PDE5A: variants seen among roughly 807,000 people sequenced by gnomAD.
The protein encoded by PDE5A is cGMP-specific 3',5'-cyclic phosphodiesterase.
Under a neutral mutation model 110.2 loss-of-function variants are expected in PDE5A, and 67 were observed. That is an observed-to-expected ratio of 0.61 (90% CI 0.50 to 0.75). The LOEUF (loss-of-function observed/expected upper bound fraction) is 0.75. PDE5A is among the 30% of genes least tolerant of loss of function. The pLI is 0.00. For synonymous variants in PDE5A, 328 were observed against 351.2 expected, an observed-to-expected ratio of 0.93 and a Z score of 0.74; for missense variants, 862 against 1,045.1, an observed-to-expected ratio of 0.82 and a Z score of 2.42.
In PDE5A at chr4:119,494,941, T is replaced by C. The variant is rs17355550; in HGVS notation, c.*3660A>G. On this transcript the variant is annotated 3_prime_UTR_variant, in exon 21 of 21. Transcript: ENST00000354960. ...GTAGAGCAGAAGGGGTCCAAAACCA[T>C]GCACAATTTAACAGTCCAGAAGAAC... 0.025 allele frequency: 3,748 copies of C among 152,670 alleles called. 61 individuals are homozygous for C. The highest frequency in any genetic ancestry group is 0.05 in the South Asian group (242 of 4,824). The allele number at this position is 152,670 out of a possible 1,614,324, so 9.5% of individuals were successfully genotyped here. A position where few individuals can be genotyped will look rare whatever the true frequency, so the allele number is the denominator to read the frequency against.
At chr4:119,510,915 C>T in intron 15 of PDE5A, 132 bp downstream of exon 15, 1 of 584,620 alleles carries the variant, frequency 1.7e-6, no homozygotes, top group South Asian at 2.9e-5. Context: ...TTTGGCTTCG[C>T]CTTCCTTACC....
At chr4:119,531,975 C>T (rs912593878) in intron 11 of PDE5A, among the ~76,000 whole-genome samples, 2 of 152,054 alleles carry the variant, frequency 1.3e-5, no homozygotes, top group Non-Finnish European at 2.9e-5. Flanking sequence ...CTCAGTGTCC[C>T]TCAACATGGC....
Position 119,505,849 on chromosome 4 carries a change from A to G in PDE5A, c.2267+6T>C, listed in dbSNP as rs777582335. On this transcript the variant is annotated splice_donor_region_variant and intron_variant, in intron 17 of 20. Coordinates refer to ENST00000354960, the MANE Select transcript of PDE5A (RefSeq NM_001083.4). ...CTTCAGCTTTAAAGATAGTAAACCT[A>G]CTTACAAAAACAACTCCTTTTGATG... The G allele has an allele frequency of 2.0e-6, 3 of 1,508,278 alleles. No individual in the cohort carries two copies. Among genetic ancestry groups the G allele is most frequent in the South Asian group, 1.2e-5 (1 of 82,254 alleles). 93.4% of individuals were successfully genotyped at this position (1,508,278 alleles called of 1,614,324 possible). A position where few individuals can be genotyped will look rare whatever the true frequency, so the allele number is the denominator to read the frequency against.
chr4:119,576,255 A>G (rs558620563), intron 3 of PDE5A, among the ~76,000 whole-genome samples: 59 of 152,306 alleles, frequency 3.9e-4, no homozygotes, highest in Middle Eastern at 6.8e-3. Flanking sequence ...TTAACACCCT[A>G]CTGTCAACAT....
chr4:119,626,908 T>C (rs1730366397), intron 1 of PDE5A, among the ~76,000 whole-genome samples: 2 of 148,952 alleles, frequency 1.3e-5, no homozygotes, highest in Admixed American at 1.3e-4. Flanking sequence ...ACTCTGGATG[T>C]TCCTTAGGAA....
chr4:119,506,975 A>G (rs1725579031), intron 16 of PDE5A, among the ~76,000 whole-genome samples: 1 of 151,942 alleles, frequency 6.6e-6, no homozygotes, highest in Non-Finnish European at 1.5e-5. Flanking sequence ...TCATTCCCAC[A>G]CATGCGTCAA....
At chr4:119,566,756 T>C (rs1413454930) in intron 4 of PDE5A, among the ~76,000 whole-genome samples, 1 of 152,192 alleles carries the variant, frequency 6.6e-6, no homozygotes, top group Non-Finnish European at 1.5e-5. Context: ...TGGATCTCTA[T>C]AGCAGTGATG....
chr4:119,590,569 C>A (rs1448837896), intron 3 of PDE5A, among the ~76,000 whole-genome samples: 1 of 152,112 alleles, frequency 6.6e-6, no homozygotes, highest in East Asian at 1.9e-4. Flanking sequence ...AACTTAACCT[C>A]TATGATTTTT....
At position 119,498,734 on chromosome 4, in the gene PDE5A, AG is replaced by A; in HGVS notation, c.2494del (p.Leu832Ter). 6.2e-7 allele frequency: 1 copy of A among 1,613,834 alleles called. No homozygotes were observed. On this transcript the variant is annotated frameshift_variant, in exon 21 of 21. Transcript: ENST00000354960. LOFTEE classifies it high-confidence loss of function. ...DAICLQLYEA[L>X]THVSEDCFPL... Reference sequence around the variant, plus strand: ...GAAACAGTCCTCTGACACGTGGGTCAGGGCCTAAAGAGAAAAAAGAAAGCAA... The same window carrying A: ...GAAACAGTCCTCTGACACGTGGGTCAGGCCTAAAGAGAAAAAAGAAAGCAA...
At chr4:119,567,215 A>G in intron 3 of PDE5A, 71 bp from the exon 4 acceptor site, 1 of 1,145,794 alleles carries the variant, frequency 8.7e-7, no homozygotes, top group Non-Finnish European at 1.3e-6. Flanking sequence ...ACCAAAATGT[A>G]TTTATAGAAG....
intron 6 of PDE5A, among the ~76,000 whole-genome samples, chr4:119,561,389 TAAG>T (rs1333312579): frequency 3.3e-5 from 5 of 152,190 alleles, no homozygotes; most frequent in Admixed American, 6.5e-5. Context: ...TCCTACAACT[TAAG>T]TAGTCAAAAA....
At chr4:119,609,672 A>C (rs1312201619) in intron 1 of PDE5A, among the ~76,000 whole-genome samples, 2 of 152,190 alleles carry the variant, frequency 1.3e-5, no homozygotes, top group African/African-American at 2.4e-5. Context: ...AAAAGTCTCC[A>C]AAAAGTTTAG....
intron 7 of PDE5A, among the ~76,000 whole-genome samples, chr4:119,559,831 C>G (rs1161916233): frequency 6.6e-6 from 1 of 152,078 alleles, no homozygotes; most frequent in African/African-American, 2.4e-5. Flanking sequence ...ATGTGAACCC[C>G]AAATTCCAGG....
At chr4:119,589,405 C>T (rs890588608) in intron 3 of PDE5A, among the ~76,000 whole-genome samples, 7 of 152,004 alleles carry the variant, frequency 4.6e-5, no homozygotes, top group Non-Finnish European at 8.8e-5. Context: ...CAGGGGAGGG[C>T]AGTATTTCAC....
chr4:119,604,120 A>T (rs767492607), intron 2 of PDE5A, among the ~76,000 whole-genome samples: 3 of 152,194 alleles, frequency 2.0e-5, no homozygotes, highest in Non-Finnish European at 4.4e-5. Context: ...CTATAAATAC[A>T]GATCAAGGGT....
chr4:119,511,277 A>C, intron 14 of PDE5A, 143 bp from the exon 15 acceptor site: 1 of 588,812 alleles, frequency 1.7e-6, no homozygotes, highest in South Asian at 2.3e-5. Flanking sequence ...TTTTACTGAG[A>C]AAAGTGTGAG....
intron 3 of PDE5A, among the ~76,000 whole-genome samples, chr4:119,593,271 T>G (rs888524225): frequency 7.9e-5 from 12 of 152,324 alleles, no homozygotes; most frequent in African/African-American, 2.9e-4. Flanking sequence ...AAGGTCTGTA[T>G]GCAAACACAC....
At chr4:119,526,211 T>C (rs1726312797) in intron 11 of PDE5A, among the ~76,000 whole-genome samples, 1 of 152,098 alleles carries the variant, frequency 6.6e-6, no homozygotes, top group African/African-American at 2.4e-5. Flanking sequence ...AGAGGTTAAT[T>C]TTCTTGCCAG....
chr4:119,590,823 T>A (rs752777676), intron 3 of PDE5A, among the ~76,000 whole-genome samples: 4 of 152,214 alleles, frequency 2.6e-5, no homozygotes, highest in Non-Finnish European at 5.9e-5. Flanking sequence ...TATTCAGCAG[T>A]CAACTACTCC....
Sources: allele counts gnomAD v4.1 joint callset (sites outside exome capture counted in the v4.1 genomes callset), GRCh38; gene constraint gnomAD v4.1.1; transcripts MANE v1.5; gene names NCBI Gene and HGNC (gene_info 2026-07-23, HGNC 2026-07-21).